CNTNAP2: variants seen among roughly 807,000 people sequenced by gnomAD.
CNTNAP2 encodes the protein contactin associated protein 2.
A neutral mutation model predicts 155.2 loss-of-function variants in CNTNAP2; 98 were observed. The observed-to-expected ratio is 0.63, with a 90% confidence interval of 0.54 to 0.75. The LOEUF is 0.75. Among genes scored for constraint, CNTNAP2 ranks in the 30% least tolerant of loss-of-function variants. CNTNAP2 has a pLI of 0.00. For synonymous variants in CNTNAP2, 651 were observed against 631.2 expected, an observed-to-expected ratio of 1.03 and a Z score of -0.47; for missense variants, 1,727 against 1,688.1, an observed-to-expected ratio of 1.02 and a Z score of -0.40.
At chr7:147,478,167 GT>G (rs200599761) in intron 10 of CNTNAP2, among the ~76,000 whole-genome samples, 7 of 138,580 alleles carry the variant, frequency 5.1e-5, no homozygotes, top group African/African-American at 1.1e-4. Flanking sequence ...TTTTTGGGTG[GT>G]GGGGGAGGGA....
intron 1 of CNTNAP2, among the ~76,000 whole-genome samples, chr7:146,729,784 C>T (rs1351427804): frequency 1.3e-5 from 2 of 152,080 alleles, no homozygotes; most frequent in Admixed American, 6.6e-5. Context: ...CTCTAAAACC[C>T]TCGGAAAGAT....
rs114587166 is a variant in CNTNAP2, at chr7:146,376,724, C to T, written c.97+259751C>T. On this transcript the variant is annotated intron_variant, in intron 1 of 23. Transcript: ENST00000361727. ...TCATCCAAATCTCTATTGTTGTAAC[C>T]AAAGACCCAATTTGATAATATTAAG... 3.0e-3 allele frequency among the ~76,000 whole-genome samples: 451 copies of T among 152,160 alleles called. 6 individuals carry two copies. The highest frequency in any genetic ancestry group is 0.01 in the African/African-American group (427 of 41,532).
At chr7:146,552,562 C>T (rs919582018) in intron 1 of CNTNAP2, among the ~76,000 whole-genome samples, 2 of 152,086 alleles carry the variant, frequency 1.3e-5, no homozygotes, top group African/African-American at 4.8e-5. Context: ...CCAGAAAGAT[C>T]CTGTTAATTT....
chr7:146,628,495 G>A (rs183392669), intron 1 of CNTNAP2, among the ~76,000 whole-genome samples: 2 of 152,114 alleles, frequency 1.3e-5, no homozygotes, highest in East Asian at 3.9e-4. Context: ...GTAAAGTATT[G>A]TCAATACAAA....
intron 2 of CNTNAP2, among the ~76,000 whole-genome samples, chr7:146,817,625 G>A (rs1484106916): frequency 6.6e-6 from 1 of 152,170 alleles, no homozygotes. Flanking sequence ...AGAAGACAAA[G>A]AGGGAGCTGA....
In CNTNAP2 at chr7:147,568,001, A is replaced by T. The variant is rs948235564; in HGVS notation, c.1897+5744A>T. On this transcript the variant is annotated intron_variant, in intron 12 of 23. Transcript: ENST00000361727. ...CACAGGAGGCTGAGACAGGAGAGTC[A>T]CTTGAACCCGGGGGGCAGAGGTTCC... 9.2e-5 allele frequency among the ~76,000 whole-genome samples: 14 copies of T among 152,210 alleles called. No homozygotes were observed. The East Asian group carries it at 2.5e-3, about 27-fold the overall frequency.
chr7:146,347,137 G>GTA (rs1310660244), intron 1 of CNTNAP2, among the ~76,000 whole-genome samples: 5 of 75,132 alleles, frequency 6.7e-5, no homozygotes, highest in Non-Finnish European at 1.1e-4. Context: ...TCCATACTCT[G>GTA]TAAAAAAAAA....
intron 3 of CNTNAP2, among the ~76,000 whole-genome samples, chr7:146,875,934 C>CAAAAAAAAAAATAAAAAAAAAAAAAAAAA (rs1795413893): frequency 1.8e-5 from 1 of 55,134 alleles, no homozygotes; most frequent in Non-Finnish European, 3.4e-5. Context: ...ACATACACAG[C>CAAAAAAAAAAATAAAAAAAAAAAAAAAAA]AAAAAAAAAA....
At chr7:146,363,198 C>T (rs1432814666) in intron 1 of CNTNAP2, among the ~76,000 whole-genome samples, 3 of 152,108 alleles carry the variant, frequency 2.0e-5, no homozygotes, top group African/African-American at 7.2e-5. Flanking sequence ...TGACATAGAA[C>T]TAAAGCACAG....
intron 10 of CNTNAP2, among the ~76,000 whole-genome samples, chr7:147,474,847 T>C (rs375277633): frequency 1.6e-4 from 25 of 152,242 alleles, no homozygotes; most frequent in African/African-American, 6.0e-4. Context: ...CTTATGGAGC[T>C]GAGGGCAGGG....
rs1295258604 is a variant in CNTNAP2 at position 148,118,261 on chromosome 7, G to A, written c.2527G>A (p.Glu843Lys). Reference sequence around the variant, plus strand: ...AGTGTTTCTTGAAAATATGGGAAAGGAAGATTTCATCAAGCTGGAGCTGAA... The same window carrying A: ...AGTGTTTCTTGAAAATATGGGAAAGAAAGATTTCATCAAGCTGGAGCTGAA... Reference protein sequence around the residue: ...WGVFLENMGKEDFIKLELKSA... With the variant: ...WGVFLENMGKKDFIKLELKSA... The change falls in exon 16 of 24, where the codon GAA becomes AAA. Residue 843 changes from glutamate to lysine, a missense_variant. By Grantham distance (56) the Glu-to-Lys change is moderately conservative (BLOSUM62 1). Coordinates refer to ENST00000361727, the MANE Select transcript of CNTNAP2 (RefSeq NM_014141.6). The A allele has an allele frequency of 6.2e-7, 1 of 1,614,148 alleles. No homozygotes were observed. The highest frequency in any genetic ancestry group is 1.1e-5 in the South Asian group (1 of 91,086).
At chr7:146,679,796 C>T (rs1051672405) in intron 1 of CNTNAP2, among the ~76,000 whole-genome samples, 8 of 152,028 alleles carry the variant, frequency 5.3e-5, no homozygotes, top group African/African-American at 1.4e-4. Context: ...CCAATTATAG[C>T]GGTAACATTA....
chr7:147,142,390 A>G (rs924200596), intron 8 of CNTNAP2, among the ~76,000 whole-genome samples: 1 of 152,120 alleles, frequency 6.6e-6, no homozygotes, highest in Non-Finnish European at 1.5e-5. Context: ...TGATTTTCTT[A>G]TATTGAACCA....
intron 4 of CNTNAP2, among the ~76,000 whole-genome samples, chr7:147,071,912 T>C (rs2129265704): frequency 6.6e-6 from 1 of 152,324 alleles, no homozygotes. Flanking sequence ...AACCATGTAC[T>C]AGGGGCTGGA....
Position 147,239,135 on chromosome 7 carries a change from T to C in CNTNAP2, c.1349-61006T>C, listed in dbSNP as rs530171145. Among the ~76,000 whole-genome samples, 12 of 152,196 alleles carry C rather than the reference T, an allele frequency of 7.9e-5. No homozygotes were observed. The South Asian group carries it at 2.5e-3, about 32-fold the overall frequency. On this transcript the variant is annotated intron_variant, in intron 8 of 23. Transcript: ENST00000361727. ...ACCTATCAAAGATTCTCTCAGTCAG[T>C]AGATAGATGGTATGCAAAACTCTGC... is the stretch of plus-strand genomic sequence containing the variant.
intron 1 of CNTNAP2, among the ~76,000 whole-genome samples, chr7:146,255,864 C>A (rs112738675): frequency 0.041 from 6,314 of 152,190 alleles, 400 homozygotes; most frequent in African/African-American, 0.14. Context: ...CATCATGAGA[C>A]AGAGTGAATT....
chr7:146,973,027 T>C (rs775059894), intron 3 of CNTNAP2, among the ~76,000 whole-genome samples: 1 of 152,028 alleles, frequency 6.6e-6, no homozygotes, highest in Non-Finnish European at 1.5e-5. Context: ...TTATGTTTCG[T>C]TTCTCTCTCT....
intron 1 of CNTNAP2, among the ~76,000 whole-genome samples, chr7:146,434,824 A>G (rs569420513): frequency 1.7e-4 from 24 of 141,854 alleles, no homozygotes; most frequent in East Asian, 5.8e-4. Flanking sequence ...ATTCCTGGGG[A>G]AAAAAAAGAA....
intron 1 of CNTNAP2, among the ~76,000 whole-genome samples, chr7:146,255,556 A>G (rs1354797576): frequency 6.6e-6 from 1 of 152,188 alleles, no homozygotes; most frequent in Non-Finnish European, 1.5e-5. Context: ...GCAGATGTTG[A>G]CAGGGATAAA....
Sources: allele counts gnomAD v4.1 joint callset (sites outside exome capture counted in the v4.1 genomes callset), GRCh38; gene constraint gnomAD v4.1.1; transcripts MANE v1.5; gene names NCBI Gene and HGNC (gene_info 2026-07-23, HGNC 2026-07-21).